KLK15: variants seen among roughly 807,000 people sequenced by gnomAD.
KLK15 encodes the protein kallikrein-15.
KLK15 carries 19 observed loss-of-function variants against 21.1 expected under a neutral mutation model. The observed-to-expected ratio is 0.90, with a 90% CI of 0.63 to 1.32. The LOEUF (loss-of-function observed/expected upper bound fraction) is 1.32. Ranked by LOEUF, KLK15 falls within the 40% of genes most tolerant of loss-of-function variation. The probability of loss-of-function intolerance (pLI) is 0.00; values close to 1 mark genes in which losing one functional copy is unlikely to be tolerated. For synonymous variants in KLK15, 141 were observed against 141.5 expected, an observed-to-expected ratio of 1.00 and a Z score of 0.03; for missense variants, 345 against 348.6, an observed-to-expected ratio of 0.99 and a Z score of 0.08.
intron 1 of KLK15, 35 bp downstream of exon 2, chr19:50,831,415 C>T (rs1186449098): frequency 2.9e-6 from 4 of 1,395,458 alleles, no homozygotes; most frequent in Non-Finnish European, 3.7e-6. Context: ...GGCACCTGCT[C>T]CCACAGACCT....
intron 1 of KLK15, 45 bp from the exon 3 acceptor site, chr19:50,827,860 T>C: frequency 1.3e-6 from 2 of 1,585,976 alleles, no homozygotes; most frequent in Non-Finnish European, 1.7e-6. Context: ...GACGTTTACA[T>C]TGCCTCCTAC....
At chr19:50,830,229 G>T (rs1162791584) in intron 1 of KLK15, among the ~76,000 whole-genome samples, 1 of 151,330 alleles carries the variant, frequency 6.6e-6, no homozygotes, top group Non-Finnish European at 1.5e-5. Context: ...GACATTCAAG[G>T]TCACAGGACC....
chr19:50,830,689 G>C (rs1242641963), intron 1 of KLK15: 1 of 173,728 alleles, frequency 5.8e-6, no homozygotes, highest in Non-Finnish European at 1.2e-5. Flanking sequence ...TTCTCCAGAA[G>C]AGAGGCATCA....
chr19:50,825,900 C>T (rs749569372), exon 5 of KLK15: 8 of 1,613,968 alleles, frequency 5.0e-6, no homozygotes, highest in Non-Finnish European at 5.9e-6. Flanking sequence ...CCCCAGGACA[C>T]AATGCCCTGC....
chr19:50,833,037 G>C (rs1217521764), upstream of KLK15: 1 of 152,268 alleles, frequency 6.6e-6, no homozygotes, highest in Non-Finnish European at 1.5e-5. Context: ...ACACCTAACA[G>C]GTGTCTCCCC....
chr19:50,833,449 G>T (rs954783745), upstream of KLK15, among the ~76,000 whole-genome samples: 1 of 152,174 alleles, frequency 6.6e-6, no homozygotes, highest in African/African-American at 2.4e-5. Flanking sequence ...TCCAAGCGTG[G>T]TCAACGTTTC....
chr19:50,827,100 G>C (rs61751959), exon 3 of KLK15: 4 of 1,605,266 alleles, frequency 2.5e-6, no homozygotes, highest in Non-Finnish European at 3.4e-6. Flanking sequence ...GACGTGGTCC[G>C]TAGTTGCTCT....
chr19:50,826,618 G>C lies in KLK15; in HGVS notation c.618+3C>G. 4 of 1,592,982 alleles carry C rather than the reference G, an allele frequency of 2.5e-6. No homozygotes were observed. Among genetic ancestry groups the C allele is most frequent in the Non-Finnish European group, 3.4e-6 (4 of 1,171,276 alleles). On this transcript the variant is annotated splice_donor_region_variant and intron_variant, in intron 4 of 4. Transcript: ENST00000598239. ...CCGCCTGATGGCCCCTCTAGGCTCT[G>C]ACCTCACAGGATTCTGCGCCTCTGC...
At chr19:50,833,474 G>A (rs1845420817), upstream of KLK15, among the ~76,000 whole-genome samples, 1 of 152,164 alleles carries the variant, frequency 6.6e-6, no homozygotes. Flanking sequence ...TGAAACCAGG[G>A]CACAGTGAAT....
At chr19:50,831,237 C>T (rs1023404696) in intron 1 of KLK15, 6 of 404,914 alleles carry the variant, frequency 1.5e-5, no homozygotes, top group African/African-American at 4.1e-5. Flanking sequence ...TTGTCGTGGG[C>T]AGCGAGAGGC....
chr19:50,831,902 C>G (rs1386325496), upstream of KLK15, among the ~76,000 whole-genome samples: 1 of 152,032 alleles, frequency 6.6e-6, no homozygotes, highest in Non-Finnish European at 1.5e-5. Context: ...AGCTCCACCT[C>G]CCAGGTTCAC....
chr19:50,830,325 C>T (rs535539154), intron 1 of KLK15, among the ~76,000 whole-genome samples: 1 of 151,944 alleles, frequency 6.6e-6, no homozygotes, highest in Non-Finnish European at 1.5e-5. Context: ...GCAGGATTTG[C>T]ACAGCCAGAC....
chr19:50,825,988 C>T (rs1292773379), intron 4 of KLK15, 40 bp from the exon 6 acceptor site: 26 of 1,577,606 alleles, frequency 1.6e-5, no homozygotes, highest in South Asian at 2.3e-5. Flanking sequence ...AGTGAAACCT[C>T]CTGGATTCAT....
rs2089883431 is a variant in KLK15, at chr19:50,826,628, G to A, written c.611C>T (p.Ser204Phe). The A allele has an allele frequency of 3.1e-6, 5 of 1,599,760 alleles. No homozygotes were observed. The East Asian group carries it at 1.1e-4, about 36-fold the overall frequency. The stretch of plus-strand genomic sequence containing the variant: ...GCCCCTCTAGGCTCTGACCTCACAG[G>A]ATTCTGCGCCTCTGCCCTCCGCGCC... The change falls in exon 4 of 5, where the codon TCC becomes TTC. Residue 204 changes from serine (S) to phenylalanine (F), a missense_variant. Transcript: ENST00000598239.
upstream of KLK15, among the ~76,000 whole-genome samples, chr19:50,831,968 T>C (rs970327211): frequency 2.6e-5 from 4 of 151,774 alleles, no homozygotes; most frequent in Non-Finnish European, 5.9e-5. Flanking sequence ...CCCACCACCG[T>C]GCCCGGCTAA....
chr19:50,831,560 C>T, upstream of KLK15: 1 of 1,271,930 alleles, frequency 7.9e-7, no homozygotes, highest in South Asian at 1.7e-5. Flanking sequence ...TGAGGCAGGA[C>T]CCTTCTGCCT....
At chr19:50,827,203 A>G (rs1268363813) in intron 2 of KLK15, 42 bp from the exon 4 acceptor site, 5 of 1,538,060 alleles carry the variant, frequency 3.3e-6, no homozygotes, top group African/African-American at 2.7e-5. Context: ...AGTGCGGGCC[A>G]GTGGTTACCC....
At position 50,828,038 on chromosome 19, in the gene KLK15, C is replaced by T. The variant is rs1399272121; in HGVS notation, c.44-223G>A. 3.3e-5 allele frequency among the ~76,000 whole-genome samples: 5 copies of T among 151,442 alleles called. 1 individual carries two copies. Among genetic ancestry groups the T allele is most frequent in the Non-Finnish European group, 5.9e-5 (4 of 67,708 alleles). On this transcript the variant is annotated intron_variant, in intron 1 of 4. Transcript: ENST00000598239. ...CATGATCTCAGCTCACTGCAACTTCCGCCTCCTGGGTTCAAGTGATCCTCC... is the reference window on the plus strand; with the variant it reads ...CATGATCTCAGCTCACTGCAACTTCTGCCTCCTGGGTTCAAGTGATCCTCC...
chr19:50,831,121 G>A (rs534985575), intron 1 of KLK15: 4 of 240,828 alleles, frequency 1.7e-5, no homozygotes, highest in Non-Finnish European at 2.4e-5. Flanking sequence ...TATAGAGAAG[G>A]CATTCGAAGC....
Sources: gnomAD v4.1 joint callset for allele counts (sites outside exome capture counted in the v4.1 genomes callset) on GRCh38, gnomAD v4.1.1 for gene constraint, MANE v1.5 for transcripts, NCBI Gene and HGNC (gene_info 2026-07-23, HGNC 2026-07-21) for gene names.